Variants in TG observed in about 807,000 individuals in gnomAD.
The protein encoded by TG is thyroglobulin.
TG carries 270 observed loss-of-function variants against 324.7 expected under a neutral mutation model. The ratio of observed to expected loss-of-function variants is 0.83; its 90% CI spans 0.75 to 0.92. TG has a LOEUF of 0.92. Among genes scored for constraint, TG ranks in the 40% least tolerant of loss-of-function variants. TG has a pLI of 0.00. For synonymous variants in TG, 1,401 were observed against 1,327.0 expected (o/e 1.06, Z -1.21); for missense variants, 3,591 against 3,456.4 (o/e 1.04, Z -0.98).
chr8:132,968,309 AG>A (rs1200349407), intron 31 of TG, among the ~76,000 whole-genome samples: 1 of 152,190 alleles, frequency 6.6e-6, no homozygotes. Context: ...TTCCTTGTAG[AG>A]ATGTGAAGCC....
chr8:132,991,205 A>T (rs1832286339), intron 35 of TG, among the ~76,000 whole-genome samples: 1 of 152,094 alleles, frequency 6.6e-6, no homozygotes, highest in African/African-American at 2.4e-5. Context: ...CACCACTGCT[A>T]ATGTAGAGCC....
At chr8:132,972,525 C>T in intron 33 of TG, 73 bp from the exon 34 acceptor site, 1 of 1,552,902 alleles carries the variant, frequency 6.4e-7, no homozygotes, top group South Asian at 1.1e-5. Context: ...CAGAATTTTT[C>T]TCATTTATTA....
intron 35 of TG, among the ~76,000 whole-genome samples, chr8:133,007,038 T>C (rs1171742646): frequency 1.3e-5 from 2 of 152,210 alleles, no homozygotes; most frequent in Non-Finnish European, 2.9e-5. Flanking sequence ...GGGAGATATT[T>C]GTTGAAGTGT....
intron 46 of TG, 95 bp from the exon 47 acceptor site, chr8:133,133,375 T>C: frequency 8.0e-7 from 1 of 1,243,104 alleles, no homozygotes; most frequent in Non-Finnish European, 1.2e-6. Context: ...ACATGAATTG[T>C]CCCTCAGATA....
chr8:133,046,938 CTCT>C (rs1372078069), intron 41 of TG, among the ~76,000 whole-genome samples: 1 of 152,168 alleles, frequency 6.6e-6, no homozygotes, highest in Non-Finnish European at 1.5e-5. Context: ...AGTGTGTTTT[CTCT>C]TCTTTGATAT....
chr8:133,002,164 G>T (rs551941764), intron 35 of TG: 21 of 985,272 alleles, frequency 2.1e-5, no homozygotes, highest in Non-Finnish European at 2.5e-5. Context: ...ATGCTTGGAG[G>T]CACTTTCCGC....
At chr8:132,978,739 G>C (rs1164031806) in intron 34 of TG, among the ~76,000 whole-genome samples, 1 of 152,200 alleles carries the variant, frequency 6.6e-6, no homozygotes, top group Non-Finnish European at 1.5e-5. Context: ...GCAGTAGGTA[G>C]AGAGGAGGTA....
At chr8:132,976,950 A>G (rs1444331034) in intron 34 of TG, among the ~76,000 whole-genome samples, 3 of 152,212 alleles carry the variant, frequency 2.0e-5, no homozygotes, top group African/African-American at 7.2e-5. Flanking sequence ...TTACTTAAGG[A>G]GACTGGTTTA....
chr8:132,994,661 C>A, intron 35 of TG: 1 of 1,282,672 alleles, frequency 7.8e-7, no homozygotes, highest in Non-Finnish European at 1.0e-6. Flanking sequence ...ATTCCCTGAC[C>A]TCCTGAAGGA....
At chr8:132,959,839 G>T (rs1827495014) in intron 27 of TG, among the ~76,000 whole-genome samples, 1 of 152,090 alleles carries the variant, frequency 6.6e-6, no homozygotes, top group Non-Finnish European at 1.5e-5. Flanking sequence ...TCCACCTTTT[G>T]TTGTTGTTGT....
intron 25 of TG, among the ~76,000 whole-genome samples, chr8:132,936,374 G>A (rs1385833554): frequency 1.3e-5 from 2 of 152,146 alleles, no homozygotes; most frequent in Admixed American, 6.5e-5. Context: ...ACCCTCCCAG[G>A]ACGTTTTCCT....
intron 27 of TG, among the ~76,000 whole-genome samples, chr8:132,958,062 C>T (rs1827192305): frequency 6.6e-6 from 1 of 152,148 alleles, no homozygotes; most frequent in Admixed American, 6.5e-5. Context: ...CCCTGAGTTA[C>T]TTCACTTAGA....
intron 26 of TG, 100 bp downstream of exon 26, chr8:132,941,642 T>C (rs1824461861): frequency 7.3e-7 from 1 of 1,372,084 alleles, no homozygotes; most frequent in Admixed American, 1.8e-5. Context: ...GGGAGTACAG[T>C]GTGAGTGCCT....
intron 41 of TG, among the ~76,000 whole-genome samples, chr8:133,059,926 G>A (rs547694949): frequency 7.9e-5 from 12 of 152,306 alleles, no homozygotes; most frequent in African/African-American, 2.2e-4. Flanking sequence ...AATTCTTTTC[G>A]TCTTTTAATT....
chr8:133,048,044 C>G, intron 41 of TG: 1 of 622,004 alleles, frequency 1.6e-6, no homozygotes, highest in South Asian at 1.9e-5. Context: ...TCACCTCAAC[C>G]CACTGAGACA....
intron 40 of TG, among the ~76,000 whole-genome samples, chr8:133,028,060 TCAGAAGTCTAGACCC>T (rs1836270917): frequency 6.6e-6 from 1 of 152,220 alleles, no homozygotes; most frequent in African/African-American, 2.4e-5. Context: ...CTCTGACCTC[TCAGAAGTCTAGACCC>T]CAGAAGTCAA....
chr8:132,950,196 A>C (rs1382217421), intron 27 of TG, among the ~76,000 whole-genome samples: 1 of 152,198 alleles, frequency 6.6e-6, no homozygotes, highest in African/African-American at 2.4e-5. Context: ...AGTGAGGTTG[A>C]GGGGAAGCCC....
chr8:133,007,883 A>G (rs1051767970), intron 35 of TG, among the ~76,000 whole-genome samples: 1 of 151,884 alleles, frequency 6.6e-6, no homozygotes, highest in African/African-American at 2.4e-5. Context: ...GTGGCCACTC[A>G]GGGTCAGTAA....
intron 23 of TG, among the ~76,000 whole-genome samples, chr8:132,930,575 A>C (rs1179458882): frequency 6.6e-6 from 1 of 151,924 alleles, no homozygotes; most frequent in Non-Finnish European, 1.5e-5. Flanking sequence ...CCAGCTACTC[A>C]GGAGGCTGAG....
Sources: allele counts gnomAD v4.1 joint callset (sites outside exome capture counted in the v4.1 genomes callset), GRCh38; gene constraint gnomAD v4.1.1; transcripts MANE v1.5; gene names NCBI Gene and HGNC (gene_info 2026-07-23, HGNC 2026-07-21).